Variants in SEPTIN9 observed in about 807,000 individuals in gnomAD.
SEPTIN9 encodes septin 9.
In SEPTIN9, 13 loss-of-function variants were observed where a neutral mutation model predicts 56.6. That is an observed-to-expected ratio of 0.23 (90% CI 0.15 to 0.37). SEPTIN9 has a LOEUF of 0.37. SEPTIN9 is among the 10% of genes least tolerant of loss of function. The pLI, the probability that SEPTIN9 is intolerant of heterozygous loss-of-function variation, is 1.00. For missense variants in SEPTIN9, 650 were observed against 823.1 expected (o/e 0.79, Z 2.57); for synonymous variants, 332 against 334.1 (o/e 0.99, Z 0.07).
At chr17:77,335,286 C>T (rs893122472) in intron 2 of SEPTIN9, among the ~76,000 whole-genome samples, 2 of 147,004 alleles carry the variant, frequency 1.4e-5, no homozygotes, top group Admixed American at 6.8e-5. Context: ...ATATGTGGTC[C>T]TGTATTAGTA....
At chr17:77,346,032 C>T (rs1320175175) in intron 2 of SEPTIN9, among the ~76,000 whole-genome samples, 1 of 152,038 alleles carries the variant, frequency 6.6e-6, no homozygotes, top group Non-Finnish European at 1.5e-5. Context: ...CTCACTGCAA[C>T]CTCCACCTCC....
At chr17:77,303,185 C>A (rs1318912823) in intron 1 of SEPTIN9, among the ~76,000 whole-genome samples, 1 of 151,790 alleles carries the variant, frequency 6.6e-6, no homozygotes, top group Non-Finnish European at 1.5e-5. Flanking sequence ...ACTGCAACCT[C>A]CGTCTCCTGG....
chr17:77,361,940 A>C (rs1367330893), intron 2 of SEPTIN9, among the ~76,000 whole-genome samples: 2 of 152,200 alleles, frequency 1.3e-5, no homozygotes, highest in Non-Finnish European at 2.9e-5. Context: ...CCAAGTGGTC[A>C]GTTTTCTCAG....
rs1417712354 is a variant in SEPTIN9 at position 77,492,024 on chromosome 17, G to A, written c.1381-597G>A. On this transcript the variant is annotated intron_variant, in intron 8 of 11. Coordinates refer to ENST00000427177, the MANE Select transcript of SEPTIN9 (RefSeq NM_001113491.2). This position sits in a 1 kb window ranked among gnomAD's most constrained non-coding sequence, Gnocchi z 5.4. The stretch of plus-strand genomic sequence containing the variant: ...GCTGCGGCACCACATCTGCCTCGGT[G>A]GGTGTGGGTGGGGCCTGTAACCTAC... 6.6e-6 allele frequency among the ~76,000 whole-genome samples: 1 copy of A among 152,082 alleles called. No individual in the cohort carries two copies.
chr17:77,384,078 C>A (rs1568027773), intron 2 of SEPTIN9, among the ~76,000 whole-genome samples: 1 of 152,166 alleles, frequency 6.6e-6, no homozygotes, highest in East Asian at 1.9e-4. Flanking sequence ...GGCTGTCGAG[C>A]AGGGAGGAAG....
intron 2 of SEPTIN9, among the ~76,000 whole-genome samples, chr17:77,368,178 T>C (rs1024154336): frequency 1.2e-4 from 19 of 152,250 alleles, no homozygotes; most frequent in African/African-American, 4.6e-4. Flanking sequence ...TATTGTTTAA[T>C]GAGGACAGAG....
At chr17:77,480,368 C>T (rs77653632) in intron 3 of SEPTIN9, among the ~76,000 whole-genome samples, 8,545 of 152,298 alleles carry the variant, frequency 0.056, 299 homozygotes, top group Non-Finnish European at 0.082. Context: ...ACCCTCTGAC[C>T]GCTCCAGTGA....
chr17:77,322,013 C>T (rs757186105), intron 2 of SEPTIN9, among the ~76,000 whole-genome samples: 2 of 152,222 alleles, frequency 1.3e-5, no homozygotes, highest in Non-Finnish European at 2.9e-5. Flanking sequence ...GGGCAGACCA[C>T]AGTGGGTCCC....
chr17:77,493,273 C>T (rs546373074), intron 10 of SEPTIN9, 197 bp downstream of exon 10: 9 of 586,066 alleles, frequency 1.5e-5, no homozygotes, highest in Non-Finnish European at 2.7e-5. Context: ...GCAGATGCCT[C>T]CACCCCAGAC....
rs372148494 is a variant in SEPTIN9 at position 77,488,841 on chromosome 17, C to T, written c.1239C>T (p.Tyr413=). 6.2e-7 allele frequency: 1 copy of T among 1,613,612 alleles called. No individual in the cohort carries two copies. Among genetic ancestry groups the T allele is most frequent in the Non-Finnish European group, 8.5e-7 (1 of 1,179,864 alleles). The change falls in exon 7 of 12, where the codon TAC becomes TAT. Residue 413 remains tyrosine, a synonymous_variant. Transcript: ENST00000427177. ...IPDTRVHCCL[Y]FIPATGHSLR... ...ACACCCGCGTCCACTGCTGCCTCTA[C>T]TTCATCCCCGCCACCGGCCACTCGT...
chr17:77,376,459 A>T, intron 2 of SEPTIN9: 2 of 942,502 alleles, frequency 2.1e-6, no homozygotes, highest in South Asian at 9.7e-5. Flanking sequence ...TGGTGGCCCC[A>T]GGGTTCCTGA....
rs1399044034 is a variant in SEPTIN9, at chr17:77,492,494, C to A, written c.1381-127C>A. ...GAGTTGGAGGTGATTGGTGTCACAG[C>A]CCCCCAGAGCCTGCCCTTGAACCCG... On this transcript the variant is annotated intron_variant, in intron 8 of 11. Coordinates refer to ENST00000427177, the MANE Select transcript of SEPTIN9 (RefSeq NM_001113491.2). This position sits in a 1 kb window ranked among gnomAD's most constrained non-coding sequence, Gnocchi z 5.4. 8 of 815,946 alleles carry A rather than the reference C, an allele frequency of 9.8e-6. No individual in the cohort carries two copies. The highest frequency in any genetic ancestry group is 8.3e-5 in the South Asian group (6 of 72,588). 50.5% of individuals were successfully genotyped at this position (815,946 alleles called of 1,614,324 possible).
chr17:77,486,114 C>T (rs1378554247), intron 4 of SEPTIN9, among the ~76,000 whole-genome samples: 1 of 151,716 alleles, frequency 6.6e-6, no homozygotes, highest in Non-Finnish European at 1.5e-5. Context: ...TCTCGCCTGG[C>T]CGATTTTTGT....
Position 77,371,494 on chromosome 17 carries a change from T to C in SEPTIN9, c.77-30565T>C, listed in dbSNP as rs1007224189. Among the ~76,000 whole-genome samples the C allele has an allele frequency of 6.6e-6, 1 of 152,228 alleles. No homozygotes were observed. The highest frequency in any genetic ancestry group is 2.4e-5 in the African/African-American group (1 of 41,462). Reference sequence around the variant, plus strand: ...TTTTTAGAAAAACACTCGAGAATAATGCTGTGGCTTAGGATGGCTGTTGTG... The same window carrying C: ...TTTTTAGAAAAACACTCGAGAATAACGCTGTGGCTTAGGATGGCTGTTGTG... On this transcript the variant is annotated intron_variant, in intron 2 of 11. Transcript: ENST00000427177. The surrounding 1 kb of genome is among the most constrained non-coding windows in gnomAD (Gnocchi z 4.1).
intron 2 of SEPTIN9, among the ~76,000 whole-genome samples, chr17:77,344,969 CAAAAAAAAAAAAAA>C (rs35165946): frequency 8.8e-5 from 6 of 67,958 alleles, no homozygotes; most frequent in Admixed American, 1.9e-4. Flanking sequence ...AAGACTGCCT[CAAAAAAAAAAAAAA>C]AAAAAAAAAA....
chr17:77,413,361 C>T (rs149297907), intron 3 of SEPTIN9, among the ~76,000 whole-genome samples: 1 of 152,222 alleles, frequency 6.6e-6, no homozygotes, highest in Non-Finnish European at 1.5e-5. Flanking sequence ...TTTCTTTCTT[C>T]TTAAAATTCA....
At chr17:77,363,379 CTTTTTTTTTTT>C (rs34313886) in intron 2 of SEPTIN9, among the ~76,000 whole-genome samples, 7 of 66,616 alleles carry the variant, frequency 1.1e-4, no homozygotes, top group African/African-American at 3.1e-4. Flanking sequence ...TTGGGCCTGT[CTTTTTTTTTTT>C]TTTTTTTTTT....
rs1480606443 is a variant in SEPTIN9 at position 77,415,663 on chromosome 17, C to T, written c.721+12960C>T. On this transcript the variant is annotated intron_variant, in intron 3 of 11. Transcript: ENST00000427177. ...AAAAAAAGAAAAAAAAAGAAATCTC[C>T]AGTGCTGCCCTGTGCCCGGCACCGA... Among the ~76,000 whole-genome samples, 5 of 149,292 alleles carry T rather than the reference C, an allele frequency of 3.3e-5. No homozygotes were observed. In the East Asian group the frequency reaches 5.8e-4, roughly 17 times the overall value.
At chr17:77,409,892 C>A (rs2036233422) in intron 3 of SEPTIN9, among the ~76,000 whole-genome samples, 1 of 152,222 alleles carries the variant, frequency 6.6e-6, no homozygotes, top group African/African-American at 2.4e-5. Context: ...CAGCCCCTAA[C>A]CAGACCCTGG....
Sources: gnomAD v4.1 joint callset for allele counts (sites outside exome capture counted in the v4.1 genomes callset) on GRCh38, gnomAD v4.1.1 for gene constraint, Gnocchi (gnomAD v3.1) non-coding constraint, MANE v1.5 for transcripts, NCBI Gene and HGNC (gene_info 2026-07-23, HGNC 2026-07-21) for gene names.